The following ALDH7A1 variants were observed in gnomAD, a reference collection of about 807,000 sequenced individuals.
ALDH7A1 encodes the protein alpha-aminoadipic semialdehyde dehydrogenase.
A neutral mutation model predicts 79.9 loss-of-function variants in ALDH7A1; 63 were observed. The ratio of observed to expected loss-of-function variants is 0.79; its 90% confidence interval spans 0.64 to 0.97. ALDH7A1 has a LOEUF of 0.97. ALDH7A1 is among the 50% of genes least tolerant of loss of function. ALDH7A1 has a pLI of 0.00. For missense variants in ALDH7A1, 627 were observed against 665.2 expected (o/e 0.94, Z 0.63); for synonymous variants, 240 against 231.2 (o/e 1.04, Z -0.34).
chr5:126,587,534 G>A (rs1055681704), intron 3 of ALDH7A1: 1 of 152,004 alleles, frequency 6.6e-6, no homozygotes. Context: ...GGTAGGCTGA[G>A]GTAGGAGAAT....
At chr5:126,560,956 ACACAGGAACTAGGT>A in intron 10 of ALDH7A1, 113 bp downstream of exon 10, 1 of 1,033,566 alleles carries the variant, frequency 9.7e-7, no homozygotes, top group Non-Finnish European at 1.5e-6. Flanking sequence ...AAATTCCTAA[ACACAGGAACTAGGT>A]CTCAGGCATA....
intron 5 of ALDH7A1, chr5:126,580,016 G>A (rs1352620041): frequency 6.0e-6 from 1 of 167,472 alleles, no homozygotes; most frequent in Non-Finnish European, 1.5e-5. Context: ...TGTGAGGCAG[G>A]CATCATAGTA....
Position 126,577,099 on chromosome 5 carries a change from G to C in ALDH7A1, c.630C>G (p.Ile210Met), listed in dbSNP as rs759724393. The change falls in exon 6 of 18, where the codon ATC (isoleucine) becomes ATG (methionine). Residue 210 changes from isoleucine (I) to methionine (M), a missense_variant. By Grantham distance (10) the Ile-to-Met change is conservative. Coordinates refer to ENST00000409134, the MANE Select transcript of ALDH7A1 (RefSeq NM_001182.5). ...VYGWNNAIAM[I>M]CGNVCLWKGA... is the part of the protein sequence containing the mutation. Reference sequence around the variant, plus strand: ...CTTACCAGAGGCAGACATTTCCACAGATCATGGCGATGGCGTTGTTCCAAC... The same window carrying C: ...CTTACCAGAGGCAGACATTTCCACACATCATGGCGATGGCGTTGTTCCAAC... 1.2e-6 allele frequency: 2 copies of C among 1,614,184 alleles called. No individual in the cohort carries two copies. Among genetic ancestry groups the C allele is most frequent in the Non-Finnish European group, 1.7e-6 (2 of 1,180,038 alleles).
chr5:126,550,394 T>C, intron 14 of ALDH7A1, 101 bp from the exon 15 acceptor site: 2 of 904,328 alleles, frequency 2.2e-6, no homozygotes, highest in East Asian at 5.0e-5. Flanking sequence ...ATAATTTCAG[T>C]GTACAAAAGG....
chr5:126,581,159 T>A (rs1347089895), intron 5 of ALDH7A1: 1 of 151,948 alleles, frequency 6.6e-6, no homozygotes, highest in Non-Finnish European at 1.5e-5. Flanking sequence ...CATCTTAGTA[T>A]CTTCATTGTT....
At chr5:126,552,764 G>A (rs1015562397) in intron 13 of ALDH7A1, among the ~76,000 whole-genome samples, 1 of 150,420 alleles carries the variant, frequency 6.6e-6, no homozygotes, top group Non-Finnish European at 1.5e-5. Flanking sequence ...TTGGTTTTTT[G>A]TTTTTGATTT....
intron 11 of ALDH7A1, among the ~76,000 whole-genome samples, chr5:126,558,650 A>C (rs1023048616): frequency 9.2e-5 from 14 of 152,130 alleles, no homozygotes; most frequent in African/African-American, 2.9e-4. Flanking sequence ...CAGCCTCCCA[A>C]GTAGCTGGGA....
rs532136957 is a variant in ALDH7A1, at chr5:126,583,808, C to T, written c.393+124G>A. 35 of 789,318 alleles carry T rather than the reference C, an allele frequency of 4.4e-5. No individual in the cohort carries two copies. In the East Asian group the frequency reaches 9.5e-4, roughly 22 times the overall value. 48.9% of individuals were successfully genotyped at this position (789,318 alleles called of 1,614,324 possible). On this transcript the variant is annotated intron_variant, in intron 4 of 17. Coordinates refer to ENST00000409134, the MANE Select transcript of ALDH7A1 (RefSeq NM_001182.5). ...TGAGCCAAGATTTTACCACTGCACT[C>T]CAGCCTGGGTGACAGCAAGACTCCA...
rs796052256 is a variant in ALDH7A1, at chr5:126,583,960, C to G, written c.365G>C (p.Arg122Pro). Residue 122 changes from arginine to proline, a missense_variant, in exon 4 of 18, where the codon CGG (arginine) becomes CCG (proline). By Grantham distance (103) the Arg-to-Pro change is moderately radical. Transcript: ENST00000409134. The stretch of plus-strand genomic sequence containing the variant: ...GCTTCCTAGTACTTGGATCTTCTCC[C>G]GCAAGGCATCGCCAATCTGTCTTAC... ...EIVRQIGDALREKIQVLGSLV... is the reference protein window; with the variant it reads ...EIVRQIGDALPEKIQVLGSLV... 1 of 1,614,046 alleles carries G rather than the reference C, an allele frequency of 6.2e-7. No homozygotes were observed. The highest frequency in any genetic ancestry group is 8.5e-7 in the Non-Finnish European group (1 of 1,180,014).
intron 14 of ALDH7A1, among the ~76,000 whole-genome samples, chr5:126,551,747 C>G (rs545660637): frequency 6.6e-6 from 1 of 152,250 alleles, no homozygotes; most frequent in Non-Finnish European, 1.5e-5. Context: ...GCCTACACAG[C>G]CCAGGATTAA....
intron 17 of ALDH7A1, among the ~76,000 whole-genome samples, chr5:126,545,717 C>T (rs917449546): frequency 3.3e-5 from 5 of 150,168 alleles, no homozygotes; most frequent in South Asian, 2.1e-4. Context: ...ATCTGGGAGG[C>T]GGAGGCTGAG....
Position 126,552,002 on chromosome 5 carries a change from G to A in ALDH7A1, c.1317+19C>T, listed in dbSNP as rs368215460. 2.7e-5 allele frequency: 42 copies of A among 1,554,702 alleles called. No homozygotes were observed. The highest frequency in any genetic ancestry group is 2.5e-4 in the East Asian group (11 of 44,596). On this transcript the variant is annotated intron_variant, in intron 14 of 17. Transcript: ENST00000409134. ...TCATTTATTTCAACATCAGGCTAGC[G>A]AACAGAATGCATTTTTACCTTGAAT...
At chr5:126,550,982 AC>A (rs1365365251) in intron 14 of ALDH7A1, among the ~76,000 whole-genome samples, 1 of 152,072 alleles carries the variant, frequency 6.6e-6, no homozygotes, top group Non-Finnish European at 1.5e-5. Context: ...TAATTTATCC[AC>A]CTGTGTGGGT....
At chr5:126,563,232 T>C (rs1750461519) in intron 9 of ALDH7A1, among the ~76,000 whole-genome samples, 1 of 152,226 alleles carries the variant, frequency 6.6e-6, no homozygotes, top group Non-Finnish European at 1.5e-5. Context: ...TCTTCCAATC[T>C]TTCCTCTGTG....
chr5:126,559,409 A>C, intron 10 of ALDH7A1, 75 bp from the exon 11 acceptor site: 11 of 1,047,574 alleles, frequency 1.1e-5, no homozygotes, highest in East Asian at 5.1e-5. Flanking sequence ...GTATAAAACA[A>C]TGTTGTTTTT....
At chr5:126,579,313 T>C (rs1462361626) in intron 5 of ALDH7A1, among the ~76,000 whole-genome samples, 2 of 152,196 alleles carry the variant, frequency 1.3e-5, no homozygotes, top group Non-Finnish European at 2.9e-5. Flanking sequence ...CTTTGTCCCA[T>C]TTGGGACCTT....
chr5:126,582,321 T>A (rs1403317615), intron 5 of ALDH7A1, among the ~76,000 whole-genome samples: 2 of 152,236 alleles, frequency 1.3e-5, no homozygotes, highest in African/African-American at 4.8e-5. Flanking sequence ...AACATTAGTA[T>A]AATTTAAAAA....
At chr5:126,580,826 ATT>A (rs34575294) in intron 5 of ALDH7A1, among the ~76,000 whole-genome samples, 5 of 138,798 alleles carry the variant, frequency 3.6e-5, no homozygotes, top group African/African-American at 2.6e-5. Flanking sequence ...TCTTAACCTC[ATT>A]TTTTTTTTTT....
At position 126,551,252 on chromosome 5, in the gene ALDH7A1, A is replaced by G. The variant is rs143328310; in HGVS notation, c.1317+769T>C. Among the ~76,000 whole-genome samples, 78 of 152,158 alleles carry G rather than the reference A, an allele frequency of 5.1e-4. 1 individual carries two copies. The East Asian group carries it at 0.014, about 26-fold the overall frequency. On this transcript the variant is annotated intron_variant, in intron 14 of 17. Transcript: ENST00000409134. ...AAAACCTTTACAGTTTGAGATCAAG[A>G]TATGAGATCAGGGAAAACAAAACAA...
Sources: gnomAD v4.1 joint callset for allele counts (sites outside exome capture counted in the v4.1 genomes callset) on GRCh38, gnomAD v4.1.1 for gene constraint, MANE v1.5 for transcripts, NCBI Gene and HGNC (gene_info 2026-07-23, HGNC 2026-07-21) for gene names.